SUMF1: variants seen among roughly 807,000 people sequenced by gnomAD.
The protein encoded by SUMF1 is sulfatase modifying factor 1, also known as formylglycine-generating enzyme.
In SUMF1, 48 loss-of-function variants were observed where a neutral mutation model predicts 47.6. That is an observed-to-expected ratio of 1.01 (90% CI 0.80 to 1.28). SUMF1 has a LOEUF of 1.28. SUMF1 is among the 50% of genes most tolerant of loss of function. The pLI, the probability that SUMF1 is intolerant of heterozygous loss-of-function variation, is 0.00. For synonymous variants in SUMF1, 230 were observed against 192.1 expected (o/e 1.20, Z -1.63); for missense variants, 571 against 485.4 (o/e 1.18, Z -1.66).
intron 8 of SUMF1, among the ~76,000 whole-genome samples, chr3:4,364,437 C>T (rs1401088263): frequency 1.5e-4 from 22 of 145,026 alleles, no homozygotes; most frequent in African/African-American, 5.1e-4. Flanking sequence ...TCAACTTCTT[C>T]CTGGTTTAGT....
intron 9 of SUMF1, among the ~76,000 whole-genome samples, chr3:4,057,468 G>A (rs1456556090): frequency 6.6e-6 from 1 of 152,114 alleles, no homozygotes; most frequent in African/African-American, 2.4e-5. Flanking sequence ...TCATAGACTT[G>A]TGTTGAATAA....
chr3:4,377,504 C>G (rs1409522326), intron 7 of SUMF1, among the ~76,000 whole-genome samples: 1 of 152,214 alleles, frequency 6.6e-6, no homozygotes, highest in Non-Finnish European at 1.5e-5. Flanking sequence ...AGGCACTCCA[C>G]TGCGCTCCCA....
At chr3:4,338,098 G>T (rs553073504) in intron 8 of SUMF1, among the ~76,000 whole-genome samples, 18 of 152,030 alleles carry the variant, frequency 1.2e-4, no homozygotes, top group Non-Finnish European at 1.9e-4. Flanking sequence ...TGACTATTTT[G>T]AGTAGTAAGA....
intron 8 of SUMF1, among the ~76,000 whole-genome samples, chr3:4,172,687 G>A (rs1217298674): frequency 4.6e-5 from 4 of 86,640 alleles, no homozygotes; most frequent in Admixed American, 3.5e-4. Context: ...ACTTTTTGAT[G>A]GGGTTGTTTT....
intron 8 of SUMF1, among the ~76,000 whole-genome samples, chr3:4,238,525 C>T (rs547133197): frequency 6.6e-6 from 1 of 152,276 alleles, no homozygotes; most frequent in African/African-American, 2.4e-5. Flanking sequence ...CTCTAACGAC[C>T]AGTGACGATG....
chr3:4,133,281 G>T (rs540249753), intron 8 of SUMF1, among the ~76,000 whole-genome samples: 1 of 152,212 alleles, frequency 6.6e-6, no homozygotes, highest in Admixed American at 6.5e-5. Context: ...TATTTGGGTT[G>T]GGGATTAGTG....
At chr3:4,188,241 T>C (rs1011000546) in intron 8 of SUMF1, among the ~76,000 whole-genome samples, 9 of 151,556 alleles carry the variant, frequency 5.9e-5, no homozygotes, top group Non-Finnish European at 1.2e-4. Context: ...AACGGGGTAA[T>C]CTTGGCTCAC....
At chr3:4,183,488 AC>A (rs1445167346) in intron 8 of SUMF1, among the ~76,000 whole-genome samples, 1 of 152,172 alleles carries the variant, frequency 6.6e-6, no homozygotes, top group Non-Finnish European at 1.5e-5. Context: ...TAATTTGGAG[AC>A]AGGAGGAAAA....
chr3:4,253,534 G>A (rs1342687008), intron 8 of SUMF1, among the ~76,000 whole-genome samples: 6 of 151,578 alleles, frequency 4.0e-5, no homozygotes, highest in Non-Finnish European at 7.4e-5. Flanking sequence ...ACTCCCACCT[G>A]AATATTGCGC....
intron 8 of SUMF1, among the ~76,000 whole-genome samples, chr3:4,152,488 TC>T (rs2125106577): frequency 6.6e-6 from 1 of 150,674 alleles, no homozygotes; most frequent in South Asian, 2.1e-4. Flanking sequence ...TTCTGATGTC[TC>T]GTCATAGTGT....
At chr3:4,389,690 T>C (rs1042283650) in intron 7 of SUMF1, among the ~76,000 whole-genome samples, 6 of 152,336 alleles carry the variant, frequency 3.9e-5, no homozygotes, top group Admixed American at 2.0e-4. Context: ...GGGTAATTTC[T>C]TTTGTTCTAG....
At chr3:4,104,895 A>G (rs573596451) in intron 8 of SUMF1, among the ~76,000 whole-genome samples, 10 of 152,146 alleles carry the variant, frequency 6.6e-5, no homozygotes, top group Non-Finnish European at 1.2e-4. Flanking sequence ...AAAGGGATTG[A>G]AATCAGTATG....
At chr3:4,458,277 G>A (rs2079718437) in intron 1 of SUMF1, among the ~76,000 whole-genome samples, 3 of 152,156 alleles carry the variant, frequency 2.0e-5, no homozygotes. Flanking sequence ...ACTGCAGTTG[G>A]TGAGAATGTA....
At chr3:4,189,171 G>A (rs997328308) in intron 8 of SUMF1, among the ~76,000 whole-genome samples, 2 of 152,074 alleles carry the variant, frequency 1.3e-5, no homozygotes, top group African/African-American at 2.4e-5. Context: ...ATAAGCTGGG[G>A]ATTTTTTGTA....
intron 8 of SUMF1, among the ~76,000 whole-genome samples, chr3:4,176,611 T>C (rs1051024224): frequency 2.0e-5 from 3 of 152,038 alleles, no homozygotes; most frequent in Admixed American, 6.5e-5. Flanking sequence ...CCATCGATGA[T>C]AGAAAGAAAC....
intron 8 of SUMF1, among the ~76,000 whole-genome samples, chr3:4,344,735 T>C (rs966594639): frequency 4.6e-5 from 7 of 151,868 alleles, no homozygotes; most frequent in Admixed American, 2.0e-4. Context: ...AAAATTACGA[T>C]GAGCTAAAGG....
At chr3:4,268,119 A>T (rs1697233300) in intron 8 of SUMF1, among the ~76,000 whole-genome samples, 1 of 152,240 alleles carries the variant, frequency 6.6e-6, no homozygotes, top group Admixed American at 6.5e-5. Flanking sequence ...CATCATTCTC[A>T]GTAAACTATG....
intron 8 of SUMF1, among the ~76,000 whole-genome samples, chr3:4,323,570 AAAGG>A (rs1261548453): frequency 1.3e-5 from 2 of 152,176 alleles, no homozygotes; most frequent in Non-Finnish European, 2.9e-5. Flanking sequence ...AAAAAGAAGA[AAAGG>A]AAGGAAGAGG....
chr3:4,170,677 T>A (rs1351164786), intron 8 of SUMF1, among the ~76,000 whole-genome samples: 1 of 152,094 alleles, frequency 6.6e-6, no homozygotes, highest in Non-Finnish European at 1.5e-5. Context: ...GATTAAACCA[T>A]CACATATATA....
Sources: allele counts gnomAD v4.1 joint callset (sites outside exome capture counted in the v4.1 genomes callset), GRCh38; gene constraint gnomAD v4.1.1; transcripts MANE v1.5; gene names NCBI Gene and HGNC (gene_info 2026-07-23, HGNC 2026-07-21).